Variants in RSU1 observed in about 807,000 individuals in gnomAD.
RSU1 encodes rsu-1.
In RSU1, 26 loss-of-function variants were observed where a neutral mutation model predicts 31.1. The ratio of observed to expected loss-of-function variants is 0.84; its 90% CI spans 0.61 to 1.16. The LOEUF (loss-of-function observed/expected upper bound fraction) is 1.16. Among genes scored for constraint, RSU1 ranks in the 50% most tolerant of loss-of-function variants. The pLI is 0.00. For synonymous variants in RSU1, 164 were observed against 136.3 expected, an observed-to-expected ratio of 1.20 and a Z score of -1.41; for missense variants, 320 against 339.1, an observed-to-expected ratio of 0.94 and a Z score of 0.44.
At chr10:16,740,343 C>T (rs1028353881) in intron 7 of RSU1, among the ~76,000 whole-genome samples, 5 of 152,084 alleles carry the variant, frequency 3.3e-5, no homozygotes, top group African/African-American at 1.2e-4. Flanking sequence ...AATAGAAGGG[C>T]ATTTGTAAAA....
rs560443081 is a variant in RSU1, at chr10:16,656,886, G to A, written c.731+38137C>T. ...ATTGAATCAACAAAATTAGTAATGA[G>A]CAGGAACAAAATGAGAGACAGTTTG... On this transcript the variant is annotated intron_variant, in intron 8 of 8. Coordinates refer to ENST00000345264, the MANE Select transcript of RSU1 (RefSeq NM_012425.4). Among the ~76,000 whole-genome samples, 4 of 152,254 alleles carry A rather than the reference G, an allele frequency of 2.6e-5. No homozygotes were observed. In the East Asian group the frequency reaches 7.7e-4, roughly 29 times the overall value.
At chr10:16,634,672 A>G (rs1466927555) in intron 8 of RSU1, among the ~76,000 whole-genome samples, 8 of 152,166 alleles carry the variant, frequency 5.3e-5, no homozygotes, top group Non-Finnish European at 1.2e-4. Flanking sequence ...GTGTCTTTCT[A>G]TCCATTACCA....
intron 8 of RSU1, among the ~76,000 whole-genome samples, chr10:16,689,060 T>A (rs1004606927): frequency 2.0e-5 from 3 of 152,012 alleles, no homozygotes; most frequent in African/African-American, 7.2e-5. Context: ...TTTTCATGTC[T>A]ACTACACAGA....
In RSU1 at chr10:16,627,261, C is replaced by A. The variant is rs532040761; in HGVS notation, c.732-33765G>T. Among the ~76,000 whole-genome samples the A allele has an allele frequency of 2.0e-5, 3 of 152,296 alleles. 1 individual carries two copies. The South Asian group carries it at 6.2e-4, about 32-fold the overall frequency. On this transcript the variant is annotated intron_variant, in intron 8 of 8. Coordinates refer to ENST00000345264, the MANE Select transcript of RSU1 (RefSeq NM_012425.4). The stretch of plus-strand genomic sequence containing the variant: ...ACAAGTAACTTATATATTGAATGTA[C>A]TCAACAGTCAATTCTATTCCCTTTA...
chr10:16,807,541 A>G (rs1387612195), intron 2 of RSU1, among the ~76,000 whole-genome samples: 2 of 152,116 alleles, frequency 1.3e-5, no homozygotes, highest in East Asian at 1.9e-4. Context: ...ATTCCATTCT[A>G]TTGAGATTAA....
At chr10:16,779,917 TGGC>T (rs1411583073) in intron 3 of RSU1, among the ~76,000 whole-genome samples, 1 of 152,202 alleles carries the variant, frequency 6.6e-6, no homozygotes, top group African/African-American at 2.4e-5. Flanking sequence ...CTACTCAGGA[TGGC>T]TTGAAACAGA....
intron 2 of RSU1, among the ~76,000 whole-genome samples, chr10:16,792,801 G>T (rs1387422061): frequency 6.6e-6 from 1 of 152,164 alleles, no homozygotes; most frequent in Non-Finnish European, 1.5e-5. Context: ...TTTCCATTTT[G>T]GTTCCCTGGT....
intron 8 of RSU1, among the ~76,000 whole-genome samples, chr10:16,657,553 G>GTACA (rs1834809039): frequency 6.7e-6 from 1 of 150,366 alleles, no homozygotes; most frequent in African/African-American, 2.4e-5. Context: ...CAATTCTAGG[G>GTACA]TACATTTTAT....
intron 7 of RSU1, among the ~76,000 whole-genome samples, chr10:16,701,864 G>A (rs1049405680): frequency 6.6e-6 from 1 of 152,236 alleles, no homozygotes; most frequent in African/African-American, 2.4e-5. Flanking sequence ...TAATTAACCA[G>A]CAACAGAACA....
intron 8 of RSU1, among the ~76,000 whole-genome samples, chr10:16,668,313 G>C (rs1835038556): frequency 6.6e-6 from 1 of 152,290 alleles, no homozygotes; most frequent in Non-Finnish European, 1.5e-5. Context: ...AGTGATAAAA[G>C]ACCTAAAATC....
chr10:16,719,212 G>A (rs1836206286), intron 7 of RSU1, among the ~76,000 whole-genome samples: 1 of 151,914 alleles, frequency 6.6e-6, no homozygotes, highest in Admixed American at 6.6e-5. Flanking sequence ...GGAGGCTGAG[G>A]CAAGAGGATC....
At chr10:16,612,651 A>AT (rs1328202361) in intron 8 of RSU1, among the ~76,000 whole-genome samples, 2 of 152,308 alleles carry the variant, frequency 1.3e-5, no homozygotes, top group South Asian at 4.1e-4. Context: ...AACACTGATC[A>AT]TAAGTTAAGC....
Position 16,645,322 on chromosome 10 carries a change from A to G in RSU1, c.731+49701T>C, listed in dbSNP as rs564193855. Among the ~76,000 whole-genome samples the G allele has an allele frequency of 5.3e-5, 8 of 152,300 alleles. No homozygotes were observed. The East Asian group carries it at 1.5e-3, about 29-fold the overall frequency. ...ACCAAAGGTGGTTTTGTTTGTTTGCATGTTTCCCAAAAGCTCATCTTTTCC... is the reference window on the plus strand; with the variant it reads ...ACCAAAGGTGGTTTTGTTTGTTTGCGTGTTTCCCAAAAGCTCATCTTTTCC... On this transcript the variant is annotated intron_variant, in intron 8 of 8. Coordinates refer to ENST00000345264, the MANE Select transcript of RSU1 (RefSeq NM_012425.4).
intron 8 of RSU1, among the ~76,000 whole-genome samples, chr10:16,635,302 A>C (rs1465772987): frequency 3.3e-5 from 5 of 152,146 alleles, no homozygotes; most frequent in Non-Finnish European, 7.4e-5. Flanking sequence ...TCTTCAGTCC[A>C]TTCTCTATCC....
intron 7 of RSU1, among the ~76,000 whole-genome samples, chr10:16,699,894 T>C (rs746276601): frequency 2.0e-5 from 3 of 152,248 alleles, no homozygotes; most frequent in African/African-American, 4.8e-5. Flanking sequence ...TTCCATTTTA[T>C]TACCTGCAAA....
chr10:16,685,199 G>T (rs995126101), intron 8 of RSU1, among the ~76,000 whole-genome samples: 1 of 152,092 alleles, frequency 6.6e-6, no homozygotes, highest in Non-Finnish European at 1.5e-5. Flanking sequence ...GCAGTGAGCC[G>T]AGATCGCACC....
intron 8 of RSU1, among the ~76,000 whole-genome samples, chr10:16,678,524 C>A (rs1335648646): frequency 6.6e-6 from 1 of 152,120 alleles, no homozygotes; most frequent in African/African-American, 2.4e-5. Flanking sequence ...AGGAGGACTT[C>A]CACACAATCT....
At chr10:16,702,994 T>C (rs1835825692) in intron 7 of RSU1, among the ~76,000 whole-genome samples, 1 of 152,182 alleles carries the variant, frequency 6.6e-6, no homozygotes, top group African/African-American at 2.4e-5. Context: ...GCAACATCCC[T>C]CTGGTGCTGT....
At chr10:16,620,692 A>C (rs1834054212) in intron 8 of RSU1, among the ~76,000 whole-genome samples, 1 of 152,108 alleles carries the variant, frequency 6.6e-6, no homozygotes, top group African/African-American at 2.4e-5. Context: ...AAAAACACAA[A>C]AAATTAGCTG....
Sources: allele counts gnomAD v4.1 joint callset (sites outside exome capture counted in the v4.1 genomes callset), GRCh38; gene constraint gnomAD v4.1.1; transcripts MANE v1.5; gene names NCBI Gene and HGNC (gene_info 2026-07-23, HGNC 2026-07-21).